INPP5D: variants seen among roughly 807,000 people sequenced by gnomAD.
INPP5D encodes phosphatidylinositol 3,4,5-trisphosphate 5-phosphatase 1.
In INPP5D, 33 loss-of-function variants were observed where a neutral mutation model predicts 122.9. The ratio of observed to expected loss-of-function variants is 0.27; its 90% CI spans 0.20 to 0.36. The LOEUF (loss-of-function observed/expected upper bound fraction) is 0.36. Ranked by LOEUF, INPP5D falls within the 10% of genes least tolerant of loss-of-function variation. The probability of loss-of-function intolerance (pLI) is 1.00; values close to 1 mark genes in which losing one functional copy is unlikely to be tolerated. For synonymous variants in INPP5D, 584 were observed against 576.2 expected (o/e 1.01, Z -0.19); for missense variants, 1,053 against 1,412.7 (o/e 0.75, Z 4.08).
At chr2:233,104,028 T>TTTTG (rs1692395765) in intron 2 of INPP5D, among the ~76,000 whole-genome samples, 3 of 110,456 alleles carry the variant, frequency 2.7e-5, no homozygotes, top group East Asian at 2.4e-4. Context: ...TTTTTTTTTT[T>TTTTG]GAGACATAGT....
At chr2:233,088,912 G>T (rs903827629) in intron 2 of INPP5D, among the ~76,000 whole-genome samples, 1 of 152,184 alleles carries the variant, frequency 6.6e-6, no homozygotes, top group African/African-American at 2.4e-5. Context: ...GCCCGATCGG[G>T]GCCCAGGCGC....
At position 233,164,023 on chromosome 2, in the gene INPP5D, G is replaced by C; in HGVS notation, c.1437+120G>C. 6.9e-7 allele frequency: 1 copy of C among 1,453,536 alleles called. No individual in the cohort carries two copies. Among genetic ancestry groups the C allele is most frequent in the Non-Finnish European group, 9.1e-7 (1 of 1,101,466 alleles). 90.0% of individuals were successfully genotyped at this position (1,453,536 alleles called of 1,614,324 possible). On this transcript the variant is annotated intron_variant, in intron 12 of 26. Coordinates refer to ENST00000445964, the MANE Select transcript of INPP5D (RefSeq NM_001017915.3). The surrounding 1 kb of genome is among the most constrained non-coding windows in gnomAD (Gnocchi z 4.3). ...TCTCAGTTTTCAAGGATGTCTGGAG[G>C]CCCCCACTGAGAGATGCGTCTGTAT... is the stretch of plus-strand genomic sequence containing the variant.
intron 5 of INPP5D, among the ~76,000 whole-genome samples, chr2:233,132,827 T>G (rs1467498560): frequency 1.3e-5 from 2 of 152,000 alleles, no homozygotes. Flanking sequence ...TAGGCCTTTT[T>G]GGATCTAACA....
At chr2:233,162,079 A>G (rs1694213095) in intron 11 of INPP5D, among the ~76,000 whole-genome samples, 1 of 152,182 alleles carries the variant, frequency 6.6e-6, no homozygotes, top group Admixed American at 6.5e-5. Flanking sequence ...GTTACTCTGT[A>G]TGTCTAAATT....
chr2:233,152,940 G>A (rs897058815), intron 9 of INPP5D, among the ~76,000 whole-genome samples: 2 of 152,204 alleles, frequency 1.3e-5, no homozygotes, highest in Non-Finnish European at 2.9e-5. Flanking sequence ...GGGAAGAGAG[G>A]AAGAGTGGAG....
Position 233,158,398 on chromosome 2 carries a change from A to G in INPP5D, c.1116A>G (p.Glu372=). Residue 372 remains glutamate, a synonymous_variant, in exon 10 of 27, where the codon GAA becomes GAG. Coordinates refer to ENST00000445964, the MANE Select transcript of INPP5D (RefSeq NM_001017915.3). ...AGAAGGAGAAGATCCTGCGGAAGGA[A>G]TATGTTTTTGCTGACTCCAAAGTAA... The part of the protein sequence containing the change: ...ETEKEKILRK[E]YVFADSKKRE... The G allele has an allele frequency of 1.4e-6, 1 of 703,716 alleles. No homozygotes were observed. Among genetic ancestry groups the G allele is most frequent in the African/African-American group, 1.7e-5 (1 of 57,346 alleles). The allele number at this position is 703,716 out of a possible 1,614,324, so 43.6% of individuals were successfully genotyped here.
At position 233,177,486 on chromosome 2, in the gene INPP5D, C is replaced by A; in HGVS notation, c.2071+140C>A. ...TTCACTGTAACCCTAATCAGGCGAC[C>A]TGGAAATGTTGATGCTTCCCTGCCT... On this transcript the variant is annotated intron_variant, in intron 18 of 26. Coordinates refer to ENST00000445964, the MANE Select transcript of INPP5D (RefSeq NM_001017915.3). This position sits in a 1 kb window ranked among gnomAD's most constrained non-coding sequence, Gnocchi z 4.2. 1 of 1,398,074 alleles carries A rather than the reference C, an allele frequency of 7.2e-7. No homozygotes were observed. The highest frequency in any genetic ancestry group is 9.8e-7 in the Non-Finnish European group (1 of 1,021,880). The allele number at this position is 1,398,074 out of a possible 1,614,324, so 86.6% of individuals were successfully genotyped here.
At chr2:233,196,934 C>T (rs1695200897) in intron 24 of INPP5D, among the ~76,000 whole-genome samples, 1 of 152,142 alleles carries the variant, frequency 6.6e-6, no homozygotes, top group Non-Finnish European at 1.5e-5. Flanking sequence ...CGTGGGCACA[C>T]AAGCATCCCC....
At chr2:233,185,714 TAAAAAAAAAAAAA>T (rs34533084) in intron 20 of INPP5D, 116 bp from the exon 21 acceptor site, 26 of 626,748 alleles carry the variant, frequency 4.1e-5, no homozygotes, top group Admixed American at 9.3e-5. Context: ...GGCCCCGAGA[TAAAAAAAAAAAAA>T]AAAAAAAAAA....
At chr2:233,063,914 G>A (rs181106557) in intron 1 of INPP5D, among the ~76,000 whole-genome samples, 20 of 152,396 alleles carry the variant, frequency 1.3e-4, no homozygotes, top group African/African-American at 4.6e-4. Context: ...GTACATCGTG[G>A]GTGGGAGACA....
intron 2 of INPP5D, among the ~76,000 whole-genome samples, chr2:233,091,683 A>G (rs1279370925): frequency 1.3e-5 from 2 of 152,228 alleles, no homozygotes; most frequent in Non-Finnish European, 2.9e-5. Flanking sequence ...CCTCGAGGCC[A>G]GCACATGAGC....
chr2:233,061,031 G>A (rs766489469), intron 1 of INPP5D, among the ~76,000 whole-genome samples: 4 of 152,224 alleles, frequency 2.6e-5, no homozygotes, highest in Non-Finnish European at 5.9e-5. Context: ...CCTTCCTGGA[G>A]CACCCAGGCT....
At chr2:233,158,099 G>A (rs1236456119) in intron 9 of INPP5D, among the ~76,000 whole-genome samples, 3 of 152,114 alleles carry the variant, frequency 2.0e-5, no homozygotes, top group Non-Finnish European at 4.4e-5. Flanking sequence ...CTCTGGACAG[G>A]CCAACTCTTG....
intron 13 of INPP5D, among the ~76,000 whole-genome samples, chr2:233,166,706 C>T (rs762586498): frequency 3.3e-5 from 5 of 152,306 alleles, no homozygotes; most frequent in South Asian, 2.1e-4. Context: ...AAATGCTGGT[C>T]GGTGTGGTAG....
intron 1 of INPP5D, among the ~76,000 whole-genome samples, chr2:233,068,488 G>C (rs1047028864): frequency 7.9e-5 from 12 of 152,018 alleles, no homozygotes; most frequent in African/African-American, 2.9e-4. Context: ...CCAGCTACTT[G>C]GGAGGCTGAG....
At chr2:233,203,212 G>T (rs1414888256) in intron 25 of INPP5D, among the ~76,000 whole-genome samples, 1 of 152,154 alleles carries the variant, frequency 6.6e-6, no homozygotes, top group Non-Finnish European at 1.5e-5. Context: ...TCGCCTTCCT[G>T]AGCGGTCATG....
chr2:233,106,855 C>T (rs112140002), intron 2 of INPP5D, among the ~76,000 whole-genome samples: 241 of 152,340 alleles, frequency 1.6e-3, no homozygotes, highest in African/African-American at 5.5e-3. Flanking sequence ...CATTGTCATC[C>T]TTGTCCCCTT....
intron 2 of INPP5D, among the ~76,000 whole-genome samples, chr2:233,111,391 C>T (rs1692625038): frequency 6.6e-6 from 1 of 152,198 alleles, no homozygotes; most frequent in Non-Finnish European, 1.5e-5. Flanking sequence ...TAATTTCCCC[C>T]TTCTGGGCTG....
At chr2:233,091,886 T>C (rs1412415671) in intron 2 of INPP5D, among the ~76,000 whole-genome samples, 3 of 152,218 alleles carry the variant, frequency 2.0e-5, no homozygotes, top group Admixed American at 2.0e-4. Flanking sequence ...CATCTTGCTC[T>C]CCACTGTCTC....
Sources: allele counts gnomAD v4.1 joint callset (sites outside exome capture counted in the v4.1 genomes callset), GRCh38; gene constraint gnomAD v4.1.1; non-coding constraint Gnocchi (gnomAD v3.1); transcripts MANE v1.5; gene names NCBI Gene and HGNC (gene_info 2026-07-23, HGNC 2026-07-21).